Variants in MDFI observed in about 807,000 individuals in gnomAD.
MDFI encodes MyoD family inhibitor.
MDFI carries 16 observed loss-of-function variants against 22.3 expected under a neutral mutation model. That is an observed-to-expected ratio of 0.72 (90% CI 0.49 to 1.09). The LOEUF (loss-of-function observed/expected upper bound fraction) is 1.09, where lower values mean the gene tolerates loss of function less well. MDFI is among the 50% of genes least tolerant of loss of function. MDFI has a pLI of 0.00. For missense variants in MDFI, 314 were observed against 326.1 expected, an observed-to-expected ratio of 0.96 and a Z score of 0.29; for synonymous variants, 145 against 142.7, an observed-to-expected ratio of 1.02 and a Z score of -0.12.
At chr6:41,645,053 C>A (rs1767996919) in intron 2 of MDFI, among the ~76,000 whole-genome samples, 1 of 152,074 alleles carries the variant, frequency 6.6e-6, no homozygotes, top group Admixed American at 6.5e-5. Context: ...GTTTCTGTGT[C>A]TCCTTGCTCC....
chr6:41,649,418 T>A (rs1015022970), intron 3 of MDFI, among the ~76,000 whole-genome samples: 1 of 152,222 alleles, frequency 6.6e-6, no homozygotes, highest in Admixed American at 6.5e-5. Flanking sequence ...AGTCAGGAGC[T>A]AGGCCCAACT....
At position 41,649,825 on chromosome 6, in the gene MDFI, C is replaced by CCCCT. The variant is rs1238916921; in HGVS notation, c.469_472dup (p.Gln158ProfsTer182). The CCCCT allele has an allele frequency of 6.2e-7, 1 of 1,613,746 alleles. No individual in the cohort carries two copies. Reference sequence around the variant, plus strand: ...CAGCAAATCCACCACCTCCCAGATCCCCCTCCAGGCACAGGAAGGTAAGCA... The same window carrying CCCCT: ...CAGCAAATCCACCACCTCCCAGATCCCCCTCCCTCCAGGCACAGGAAGGTAAGCA... On this transcript the variant is annotated frameshift_variant, in exon 4 of 5. Coordinates refer to ENST00000230321, the MANE Select transcript of MDFI (RefSeq NM_005586.4). LOFTEE classifies it high-confidence loss of function.
rs1431066794 is a variant in MDFI, at chr6:41,653,689, G to C, written c.*114G>C. 1.0e-5 allele frequency: 14 copies of C among 1,360,688 alleles called. No homozygotes were observed. The highest frequency in any genetic ancestry group is 1.4e-5 in the Non-Finnish European group (14 of 996,310). The allele number at this position is 1,360,688 out of a possible 1,614,324, so 84.3% of individuals were successfully genotyped here. A position where few individuals can be genotyped will look rare whatever the true frequency, so the allele number is the denominator to read the frequency against. ...AGGCTTGAGAAGCCCCCTCTCCCTG[G>C]TCCTCTCCTACCCACCCATGTCCTC... On this transcript the variant is annotated 3_prime_UTR_variant, in exon 5 of 5. Coordinates refer to ENST00000230321, the MANE Select transcript of MDFI (RefSeq NM_005586.4). The surrounding 1 kb of genome is among the most constrained non-coding windows in gnomAD (Gnocchi z 4.2).
At chr6:41,642,430 C>T (rs1581829295) in intron 2 of MDFI, among the ~76,000 whole-genome samples, 7 of 152,148 alleles carry the variant, frequency 4.6e-5, no homozygotes, top group South Asian at 4.1e-4. Context: ...GGCTGGACAG[C>T]GGTGTCTCTT....
rs756828929 is a variant in MDFI, at chr6:41,638,845, G to A, written c.76+20G>A. ...GCCCAGGTAGGACCGGGAGTGGCGAGCGAAGCTGGACAGGGGCGGGTGGGC... is the reference window on the plus strand; with the variant it reads ...GCCCAGGTAGGACCGGGAGTGGCGAACGAAGCTGGACAGGGGCGGGTGGGC... On this transcript the variant is annotated intron_variant, in intron 2 of 4. Coordinates refer to ENST00000230321, the MANE Select transcript of MDFI (RefSeq NM_005586.4). The surrounding 1 kb of genome is among the most constrained non-coding windows in gnomAD (Gnocchi z 7.6). 4 of 1,542,696 alleles carry A rather than the reference G, an allele frequency of 2.6e-6. No homozygotes were observed. In the South Asian group the frequency reaches 4.7e-5, roughly 18 times the overall value.
At chr6:41,646,055 G>C in intron 2 of MDFI, 71 bp from the exon 3 acceptor site, 2 of 1,344,492 alleles carry the variant, frequency 1.5e-6, no homozygotes, top group Non-Finnish European at 2.0e-6. Context: ...TGGGCTGTGG[G>C]GCGGGGCCCA....
At chr6:41,647,544 C>G (rs1466798999) in intron 3 of MDFI, among the ~76,000 whole-genome samples, 2 of 152,180 alleles carry the variant, frequency 1.3e-5, no homozygotes, top group Non-Finnish European at 1.5e-5. Flanking sequence ...TCAGCCACAC[C>G]TCTTGCTGGA....
intron 4 of MDFI, among the ~76,000 whole-genome samples, chr6:41,652,608 C>CTTTTTTTT (rs3050047): frequency 7.1e-5 from 6 of 84,406 alleles, no homozygotes; most frequent in Non-Finnish European, 8.5e-5. Flanking sequence ...CTCTCCCTCT[C>CTTTTTTTT]TTTTTTTTTT....
At chr6:41,638,092 C>T (rs2495229), upstream of MDFI, 33,376 of 152,238 alleles carry the variant, frequency 0.22, 3,958 homozygotes, top group African/African-American at 0.29. This position sits in a 1 kb window ranked among gnomAD's most constrained non-coding sequence, Gnocchi z 7.6. Context: ...ATTATTCAGA[C>T]AGTTCCACGA....
intron 2 of MDFI, among the ~76,000 whole-genome samples, chr6:41,643,564 A>AGGAG (rs1767933325): frequency 1.2e-5 from 1 of 85,936 alleles, no homozygotes; most frequent in Non-Finnish European, 2.3e-5. Context: ...GAAGGAAGGA[A>AGGAG]GGAAGGAAGG....
intron 3 of MDFI, among the ~76,000 whole-genome samples, chr6:41,648,678 A>G (rs1768146316): frequency 6.6e-6 from 1 of 152,100 alleles, no homozygotes; most frequent in African/African-American, 2.4e-5. Flanking sequence ...ACCCCTGCAC[A>G]GCTGAGGGGC....
In MDFI at chr6:41,638,802, C is replaced by A; in HGVS notation, c.53C>A (p.Ala18Asp). 1 of 1,565,338 alleles carries A rather than the reference C, an allele frequency of 6.4e-7. No homozygotes were observed. The highest frequency in any genetic ancestry group is 8.6e-7 in the Non-Finnish European group (1 of 1,161,936). ...RPSGCDAPYG[A>D]PSAAPGPAQT... ...TCTGGCTGCGACGCGCCCTATGGAG[C>A]CCCCAGCGCAGCCCCGGGCCCAGGT... The change falls in exon 2 of 5, where the codon GCC (alanine) becomes GAC (aspartate). Residue 18 changes from alanine (A) to aspartate (D), a missense_variant. Ala to Asp is a moderately radical substitution (Grantham distance 126, BLOSUM62 -2). Transcript: ENST00000230321. This position sits in a 1 kb window ranked among gnomAD's most constrained non-coding sequence, Gnocchi z 7.6.
At chr6:41,647,296 C>A (rs1233289964) in intron 3 of MDFI, among the ~76,000 whole-genome samples, 1 of 152,212 alleles carries the variant, frequency 6.6e-6, no homozygotes, top group African/African-American at 2.4e-5. Flanking sequence ...GTGACTCAGC[C>A]CCCACGGCCA....
In MDFI at chr6:41,649,907, G is replaced by A. The variant is rs761239057; in HGVS notation, c.484+64G>A. 35 of 1,440,690 alleles carry A rather than the reference G, an allele frequency of 2.4e-5. No homozygotes were observed. The Admixed American group carries it at 3.8e-4, about 16-fold the overall frequency. The allele number at this position is 1,440,690 out of a possible 1,614,324, so 89.2% of individuals were successfully genotyped here. On this transcript the variant is annotated intron_variant, in intron 4 of 4. Coordinates refer to ENST00000230321, the MANE Select transcript of MDFI (RefSeq NM_005586.4). Reference sequence around the variant, plus strand: ...AAAGCCGGGTTCCTCGAAGCATGACGCATGGGCCCACTGGAGCACCTTCAC... The same window carrying A: ...AAAGCCGGGTTCCTCGAAGCATGACACATGGGCCCACTGGAGCACCTTCAC...
chr6:41,647,370 C>T (rs970611590), intron 3 of MDFI, among the ~76,000 whole-genome samples: 10 of 152,228 alleles, frequency 6.6e-5, no homozygotes, highest in Admixed American at 2.0e-4. Context: ...CACACACTCC[C>T]GCCCTCTGGT....
rs997232228 is a variant in MDFI, at chr6:41,649,677, C to G, written c.318C>G (p.His106Gln). The G allele has an allele frequency of 1.9e-6, 3 of 1,613,326 alleles. No homozygotes were observed. The African/African-American group carries it at 4.0e-5, about 22-fold the overall frequency. ...CACTTCTGCCGAATGACTCTGGCCA[C>G]CCCTCAGAGCTGGGCGGCACCAGAC... is the stretch of plus-strand genomic sequence containing the variant. ...CTPLLPNDSG[H>Q]PSELGGTRRA... is the part of the protein sequence containing the mutation. The change falls in exon 4 of 5, where the codon CAC becomes CAG. Residue 106 changes from histidine (H) to glutamine (Q), a missense_variant. By Grantham distance (24) the His-to-Gln change is conservative. Transcript: ENST00000230321.
rs1199941924 is a variant in MDFI, at chr6:41,649,812, C to T, written c.453C>T (p.Thr151=). 5 of 1,613,994 alleles carry T rather than the reference C, an allele frequency of 3.1e-6. No individual in the cohort carries two copies. In the East Asian group the frequency reaches 1.1e-4, roughly 36 times the overall value. Residue 151 remains threonine, a synonymous_variant, in exon 4 of 5, where the codon ACC becomes ACT. Coordinates refer to ENST00000230321, the MANE Select transcript of MDFI (RefSeq NM_005586.4). ...AGAGTAAGAGCAGCAGCAAATCCAC[C>T]ACCTCCCAGATCCCCCTCCAGGCAC... ...SKKSKSSSKS[T]TSQIPLQAQE...
chr6:41,646,737 G>A (rs981891930), intron 3 of MDFI, among the ~76,000 whole-genome samples: 5 of 152,154 alleles, frequency 3.3e-5, no homozygotes, highest in East Asian at 1.9e-4. Flanking sequence ...GGCCTGGCTC[G>A]AGTTCTCCAA....
chr6:41,650,002 G>A lies in MDFI; in HGVS notation c.484+159G>A, dbSNP rs1342660467. 12 of 664,632 alleles carry A rather than the reference G, an allele frequency of 1.8e-5. No individual in the cohort carries two copies. The East Asian group carries it at 2.2e-4, about 12-fold the overall frequency. 41.2% of individuals were successfully genotyped at this position (664,632 alleles called of 1,614,324 possible). A position where few individuals can be genotyped will look rare whatever the true frequency, so the allele number is the denominator to read the frequency against. On this transcript the variant is annotated intron_variant, in intron 4 of 4. Coordinates refer to ENST00000230321, the MANE Select transcript of MDFI (RefSeq NM_005586.4). ...CTACTGGATTGGAATCTCTGGTGGA[G>A]CTTAACAAGCCCTGCAGGGAACCTG...
Sources: allele counts gnomAD v4.1 joint callset (sites outside exome capture counted in the v4.1 genomes callset), GRCh38; gene constraint gnomAD v4.1.1; non-coding constraint Gnocchi (gnomAD v3.1); transcripts MANE v1.5; gene names NCBI Gene and HGNC (gene_info 2026-07-23, HGNC 2026-07-21).